The following HS3ST1 variants were observed in gnomAD, a reference collection of about 807,000 sequenced individuals.
The protein encoded by HS3ST1 is heparan sulfate glucosamine 3-O-sulfotransferase 1.
HS3ST1 carries 8 observed loss-of-function variants against 20.7 expected under a neutral mutation model. The ratio of observed to expected loss-of-function variants is 0.39; its 90% CI spans 0.23 to 0.70. The LOEUF (loss-of-function observed/expected upper bound fraction) is 0.70. Among genes scored for constraint, HS3ST1 ranks in the 30% least tolerant of loss-of-function variants. HS3ST1 has a pLI of 0.46. For missense variants in HS3ST1, 436 were observed against 423.4 expected, an observed-to-expected ratio of 1.03 and a Z score of -0.26; for synonymous variants, 205 against 190.4, an observed-to-expected ratio of 1.08 and a Z score of -0.63.
chr4:11,421,458 C>A (rs1311211274), intron 1 of HS3ST1, among the ~76,000 whole-genome samples: 2 of 152,238 alleles, frequency 1.3e-5, no homozygotes, highest in Non-Finnish European at 2.9e-5. Context: ...TCATTCCCTG[C>A]CACACAAGTA....
At chr4:11,429,684 A>C (rs1719167323), upstream of HS3ST1, 1 of 87,500 alleles carries the variant, frequency 1.1e-5, no homozygotes, top group African/African-American at 4.5e-5. Context: ...CCGCTAGTGC[A>C]CTAGGATTGC....
At chr4:11,419,875 C>G (rs1402577733) in intron 1 of HS3ST1, among the ~76,000 whole-genome samples, 1 of 152,168 alleles carries the variant, frequency 6.6e-6, no homozygotes, top group Non-Finnish European at 1.5e-5. Context: ...CGTATAAGTG[C>G]ATGACATAAC....
intron 1 of HS3ST1, among the ~76,000 whole-genome samples, chr4:11,420,456 G>C (rs1718903580): frequency 6.6e-6 from 1 of 152,186 alleles, no homozygotes; most frequent in Non-Finnish European, 1.5e-5. Context: ...TCAGGTGTGA[G>C]TTTTCAAAGC....
chr4:11,418,759 G>C (rs994154110), intron 1 of HS3ST1, among the ~76,000 whole-genome samples: 1 of 152,144 alleles, frequency 6.6e-6, no homozygotes, highest in African/African-American at 2.4e-5. Context: ...ACCACCAGGG[G>C]CACCATGGCC....
chr4:11,433,856 T>C (rs1275133250), upstream of HS3ST1, among the ~76,000 whole-genome samples: 1 of 152,172 alleles, frequency 6.6e-6, no homozygotes, highest in Non-Finnish European at 1.5e-5. Context: ...TACAATTCAA[T>C]CTAATCATTC....
rs1393547143 is a variant in HS3ST1 at position 11,399,000 on chromosome 4, A to G, written c.*82T>C. ...ATTTTACAAATAAATTATACCTTAAATGCTTTTTTAAAATTCTTTTTCCCC... is the reference window on the plus strand; with the variant it reads ...ATTTTACAAATAAATTATACCTTAAGTGCTTTTTTAAAATTCTTTTTCCCC... On this transcript the variant is annotated 3_prime_UTR_variant, in exon 2 of 2. Coordinates refer to ENST00000002596, the MANE Select transcript of HS3ST1 (RefSeq NM_005114.4). 2.6e-5 allele frequency: 32 copies of G among 1,226,244 alleles called. No individual in the cohort carries two copies. Among genetic ancestry groups the G allele is most frequent in the Non-Finnish European group, 2.9e-5 (25 of 876,890 alleles). The allele number at this position is 1,226,244 out of a possible 1,614,324, so 76.0% of individuals were successfully genotyped here.
At chr4:11,414,317 GT>G (rs1560235220) in intron 1 of HS3ST1, among the ~76,000 whole-genome samples, 1 of 151,508 alleles carries the variant, frequency 6.6e-6, no homozygotes. Flanking sequence ...GTGTGTGTGT[GT>G]ATATATACAT....
At chr4:11,402,685 T>TA (rs1422093152) in intron 1 of HS3ST1, among the ~76,000 whole-genome samples, 1 of 152,212 alleles carries the variant, frequency 6.6e-6, no homozygotes, top group African/African-American at 2.4e-5. Flanking sequence ...ATCACCATCT[T>TA]ATAGTTCCAT....
Position 11,428,858 on chromosome 4 carries a change from T to G in HS3ST1, c.-268A>C, listed in dbSNP as rs123631. 151,074 of 152,536 alleles carry G rather than the reference T, an allele frequency of 0.99. 74,822 individuals are homozygous for G. The highest frequency in any genetic ancestry group is 1 in the Middle Eastern group (298 of 298). The allele number at this position is 152,536 out of a possible 1,614,324, so 9.4% of individuals were successfully genotyped here. On this transcript the variant is annotated 5_prime_UTR_variant, in exon 1 of 2. Coordinates refer to ENST00000002596, the MANE Select transcript of HS3ST1 (RefSeq NM_005114.4). Reference sequence around the variant, plus strand: ...GCGCAGGCACCCACTGAGACCCGGCTGTCGTGGCGGCGACTCCTGGCTGCC... The same window carrying G: ...GCGCAGGCACCCACTGAGACCCGGCGGTCGTGGCGGCGACTCCTGGCTGCC...
At chr4:11,407,667 G>A (rs112037433) in intron 1 of HS3ST1, among the ~76,000 whole-genome samples, 38 of 152,330 alleles carry the variant, frequency 2.5e-4, no homozygotes, top group African/African-American at 8.4e-4. Context: ...TAAAAAATTC[G>A]CATGAGAGGT....
upstream of HS3ST1, among the ~76,000 whole-genome samples, chr4:11,433,156 T>C (rs1035502325): frequency 6.6e-6 from 1 of 152,238 alleles, no homozygotes; most frequent in African/African-American, 2.4e-5. Context: ...AAATATCTTC[T>C]TTAATCTAAA....
chr4:11,432,017 C>T (rs1719215078), upstream of HS3ST1, among the ~76,000 whole-genome samples: 1 of 152,172 alleles, frequency 6.6e-6, no homozygotes, highest in Non-Finnish European at 1.5e-5. Context: ...TTCATTAGAG[C>T]ACTAGAGGAG....
intron 1 of HS3ST1, among the ~76,000 whole-genome samples, chr4:11,423,197 A>G (rs764654304): frequency 2.0e-4 from 30 of 152,184 alleles, no homozygotes; most frequent in Non-Finnish European, 4.3e-4. Context: ...GTAGTCCTTG[A>G]CTGGTTTTGT....
At chr4:11,414,508 A>G (rs1304156664) in intron 1 of HS3ST1, among the ~76,000 whole-genome samples, 1 of 152,174 alleles carries the variant, frequency 6.6e-6, no homozygotes. Flanking sequence ...AAAGAATAAA[A>G]CTGACTGTGG....
At chr4:11,428,403 C>A (rs1719121354) in intron 1 of HS3ST1, 1 of 152,348 alleles carries the variant, frequency 6.6e-6, no homozygotes, top group Admixed American at 6.5e-5. Flanking sequence ...CCTCACGACT[C>A]TGCAGGGGGG....
chr4:11,419,254 A>G (rs532177209), intron 1 of HS3ST1, among the ~76,000 whole-genome samples: 1 of 151,688 alleles, frequency 6.6e-6, no homozygotes, highest in Admixed American at 6.6e-5. Context: ...ATTTTGCTAC[A>G]TTGCTGCATC....
At chr4:11,431,737 G>C (rs1475454629), upstream of HS3ST1, among the ~76,000 whole-genome samples, 1 of 152,152 alleles carries the variant, frequency 6.6e-6, no homozygotes. Context: ...CTATGAGTTT[G>C]GGCAATAATC....
chr4:11,401,577 C>G (rs994498938), intron 1 of HS3ST1, among the ~76,000 whole-genome samples: 1 of 152,192 alleles, frequency 6.6e-6, no homozygotes, highest in Non-Finnish European at 1.5e-5. Flanking sequence ...ATCCCACCCT[C>G]AGGTGATCTG....
chr4:11,399,672 G>A lies in HS3ST1; in HGVS notation c.334C>T (p.Pro112Ser). ...GTCTTCTCCACTGTGAGCTGGTGTG[G>A]CCAGGAGAAGGGCATCTGGCTGAGG... ...WYLSQMPFSW[P>S]HQLTVEKTPA... The change falls in exon 2 of 2, where the codon CCA becomes TCA. Residue 112 changes from proline (P) to serine (S), a missense_variant. Coordinates refer to ENST00000002596, the MANE Select transcript of HS3ST1 (RefSeq NM_005114.4). This position sits in a 1 kb window ranked among gnomAD's most constrained non-coding sequence, Gnocchi z 5.1. 1 of 1,613,928 alleles carries A rather than the reference G, an allele frequency of 6.2e-7. No individual in the cohort carries two copies. The highest frequency in any genetic ancestry group is 8.5e-7 in the Non-Finnish European group (1 of 1,180,046).
Sources: allele counts gnomAD v4.1 joint callset (sites outside exome capture counted in the v4.1 genomes callset), GRCh38; gene constraint gnomAD v4.1.1; non-coding constraint Gnocchi (gnomAD v3.1); transcripts MANE v1.5; gene names NCBI Gene and HGNC (gene_info 2026-07-23, HGNC 2026-07-21).